The following TLL1 variants were observed in gnomAD, a reference collection of about 807,000 sequenced individuals.
TLL1 encodes tolloid-like protein 1.
Under a neutral mutation model 128.2 loss-of-function variants are expected in TLL1, and 49 were observed. That is an observed-to-expected ratio of 0.38 (90% CI 0.30 to 0.48). The LOEUF (loss-of-function observed/expected upper bound fraction) is 0.48, where lower values mean the gene tolerates loss of function less well. TLL1 is among the 20% of genes least tolerant of loss of function. TLL1 has a pLI of 0.96. For synonymous variants in TLL1, 454 were observed against 418.8 expected (o/e 1.08, Z -1.03); for missense variants, 1,123 against 1,242.0 (o/e 0.90, Z 1.44).
chr4:165,890,352 G>C (rs1731343032), intron 1 of TLL1, among the ~76,000 whole-genome samples: 1 of 152,104 alleles, frequency 6.6e-6, no homozygotes, highest in Non-Finnish European at 1.5e-5. Flanking sequence ...GTCCCCCAAA[G>C]TCTTAACTCA....
chr4:166,079,733 T>C (rs1741202471), intron 18 of TLL1, among the ~76,000 whole-genome samples: 1 of 152,160 alleles, frequency 6.6e-6, no homozygotes, highest in South Asian at 2.1e-4. Flanking sequence ...TGTTATTTCT[T>C]CATATAATTC....
intron 5 of TLL1, among the ~76,000 whole-genome samples, chr4:166,002,227 C>A (rs893665732): frequency 1.3e-5 from 2 of 152,012 alleles, no homozygotes; most frequent in African/African-American, 2.4e-5. Context: ...CTCTCTGGGG[C>A]CTTTTTATAA....
chr4:165,908,761 G>A (rs66680240), intron 1 of TLL1, among the ~76,000 whole-genome samples: 14,719 of 152,084 alleles, frequency 0.097, 857 homozygotes, highest in East Asian at 0.17. Context: ...AGGCAGGAGA[G>A]ACTGTGAGTA....
chr4:165,908,559 G>A (rs1732379377), intron 1 of TLL1, among the ~76,000 whole-genome samples: 1 of 150,872 alleles, frequency 6.6e-6, no homozygotes, highest in African/African-American at 2.4e-5. Context: ...CAGCAGCCTG[G>A]GTGACAGAGT....
At chr4:166,036,189 T>C (rs2111085168) in intron 9 of TLL1, among the ~76,000 whole-genome samples, 1 of 152,292 alleles carries the variant, frequency 6.6e-6, no homozygotes, top group Non-Finnish European at 1.5e-5. Flanking sequence ...TATCTTTCTC[T>C]GGAGACTCAC....
At chr4:166,092,793 T>G (rs957596659) in intron 19 of TLL1, among the ~76,000 whole-genome samples, 1 of 152,172 alleles carries the variant, frequency 6.6e-6, no homozygotes, top group Non-Finnish European at 1.5e-5. Context: ...GTAAGTGGGA[T>G]AACTGAGGTT....
At chr4:165,972,089 T>G (rs1398141531) in intron 1 of TLL1, among the ~76,000 whole-genome samples, 1 of 152,204 alleles carries the variant, frequency 6.6e-6, no homozygotes, top group African/African-American at 2.4e-5. Flanking sequence ...TAGGACAGAT[T>G]GCTTGAGCAA....
intron 4 of TLL1, 105 bp from the exon 5 acceptor site, chr4:165,994,956 T>G: frequency 1.2e-6 from 1 of 838,780 alleles, no homozygotes; most frequent in East Asian, 2.4e-5. Context: ...TTGATGATAG[T>G]GGTGGCATTC....
At chr4:166,025,170 A>T in intron 8 of TLL1, 146 bp from the exon 9 acceptor site, 1 of 626,536 alleles carries the variant, frequency 1.6e-6, no homozygotes, top group Non-Finnish European at 2.9e-6. Flanking sequence ...ACATAAAAAT[A>T]AATTTACTTA....
intron 1 of TLL1, among the ~76,000 whole-genome samples, chr4:165,893,002 A>G (rs950193305): frequency 4.6e-5 from 7 of 152,202 alleles, no homozygotes; most frequent in Non-Finnish European, 8.8e-5. Flanking sequence ...TAATGACTGC[A>G]TGTAAGTCAG....
Position 166,025,591 on chromosome 4 carries a change from AT to A in TLL1, c.1158+167del, listed in dbSNP as rs375885426. On this transcript the variant is annotated intron_variant, in intron 9 of 20. Coordinates refer to ENST00000061240, the MANE Select transcript of TLL1 (RefSeq NM_012464.5). ...AATGGGAATTGCTTAAACTCCAGGA[AT>A]TTTTTTGAAAGATATAATTTTAAAC... Among the ~76,000 whole-genome samples, 358 of 152,292 alleles carry A rather than the reference AT, an allele frequency of 2.4e-3. 1 individual carries two copies. Among genetic ancestry groups the A allele is most frequent in the African/African-American group, 7.7e-3 (321 of 41,564 alleles).
At chr4:165,979,782 C>A (rs1158191943) in intron 1 of TLL1, among the ~76,000 whole-genome samples, 1 of 152,022 alleles carries the variant, frequency 6.6e-6, no homozygotes, top group Non-Finnish European at 1.5e-5. Flanking sequence ...AAGGCAAAAC[C>A]CCATCTCTAC....
In TLL1 at chr4:166,007,966, A is replaced by C. The variant is rs1274167826; in HGVS notation, c.835A>C (p.Met279Leu). 6.2e-7 allele frequency: 1 copy of C among 1,609,562 alleles called. No homozygotes were observed. The highest frequency in any genetic ancestry group is 8.5e-7 in the Non-Finnish European group (1 of 1,176,582). ...QPGQEYNFLK[M>L]EPGEVNSLGE... is the part of the protein sequence containing the mutation. ...AGGTCAAGAGTACAATTTTCTGAAG[A>C]TGGAGCCTGGAGAAGTAAACTCACT... Residue 279 changes from methionine (M) to leucine (L), a missense_variant, in exon 7 of 21, where the codon ATG becomes CTG. This residue lies in a region of TLL1 where 480 missense variants were observed against 542.4 expected (regional missense o/e 0.89). Transcript: ENST00000061240.
At position 165,890,000 on chromosome 4, in the gene TLL1, G is replaced by T. The variant is rs968647559; in HGVS notation, c.169+15927G>T. Among the ~76,000 whole-genome samples the T allele has an allele frequency of 3.9e-5, 6 of 152,168 alleles. No individual in the cohort carries two copies. The East Asian group carries it at 1.2e-3, about 29-fold the overall frequency. On this transcript the variant is annotated intron_variant, in intron 1 of 20. Coordinates refer to ENST00000061240, the MANE Select transcript of TLL1 (RefSeq NM_012464.5). Reference sequence around the variant, plus strand: ...ATTGACTCACAGTTCATTCAGTATGGCTGGGGAGGCCTCAGGACACTAACA... The same window carrying T: ...ATTGACTCACAGTTCATTCAGTATGTCTGGGGAGGCCTCAGGACACTAACA...
At chr4:165,935,542 A>G (rs1474509994) in intron 1 of TLL1, among the ~76,000 whole-genome samples, 1 of 152,236 alleles carries the variant, frequency 6.6e-6, no homozygotes, top group Non-Finnish European at 1.5e-5. Flanking sequence ...ATACCCATGT[A>G]ACTACCACCC....
rs1226481558 is a variant in TLL1, at chr4:165,873,805, G to A, written c.-100G>A. The A allele has an allele frequency of 1.4e-6, 2 of 1,381,666 alleles. No individual in the cohort carries two copies. Among genetic ancestry groups the A allele is most frequent in the Admixed American group, 1.8e-5 (1 of 56,974 alleles). 85.6% of individuals were successfully genotyped at this position (1,381,666 alleles called of 1,614,324 possible). A position where few individuals can be genotyped will look rare whatever the true frequency, so the allele number is the denominator to read the frequency against. ...CGGTCCCGCCGAGGAGCCTCCGGGT[G>A]GGGAGAAGAGCACCGGTGCCCCTAG... On this transcript the variant is annotated 5_prime_UTR_variant, in exon 1 of 21. Transcript: ENST00000061240.
chr4:166,007,841 C>G (rs1737509892), intron 6 of TLL1, 102 bp from the exon 7 acceptor site: 1 of 773,694 alleles, frequency 1.3e-6, no homozygotes, highest in Non-Finnish European at 2.3e-6. Context: ...TCAGCAAGAT[C>G]AGTCATTTCA....
intron 16 of TLL1, among the ~76,000 whole-genome samples, chr4:166,068,817 A>G (rs1025678562): frequency 6.6e-6 from 1 of 151,844 alleles, no homozygotes; most frequent in Admixed American, 6.6e-5. Flanking sequence ...TCTGTGCTAC[A>G]AAGATGGTTC....
At chr4:165,917,563 TAAC>T (rs1561027392) in intron 1 of TLL1, among the ~76,000 whole-genome samples, 1 of 152,154 alleles carries the variant, frequency 6.6e-6, no homozygotes, top group East Asian at 1.9e-4. Flanking sequence ...TTTGTACTTA[TAAC>T]ATCTATTTAT....
Sources: gnomAD v4.1 joint callset for allele counts (sites outside exome capture counted in the v4.1 genomes callset) on GRCh38, gnomAD v4.1.1 for gene constraint, gnomAD v4.1.1 regional missense constraint, MANE v1.5 for transcripts, NCBI Gene and HGNC (gene_info 2026-07-23, HGNC 2026-07-21) for gene names.